Variants in WNT7A observed in about 807,000 individuals in gnomAD.
The protein encoded by WNT7A is protein Wnt-7a.
In WNT7A, 16 loss-of-function variants were observed where a neutral mutation model predicts 28.2. The ratio of observed to expected loss-of-function variants is 0.57; its 90% CI spans 0.38 to 0.86. The LOEUF (loss-of-function observed/expected upper bound fraction) is 0.86, where lower values mean the gene tolerates loss of function less well. Ranked by LOEUF, WNT7A falls within the 40% of genes least tolerant of loss-of-function variation. The pLI is 0.00. For missense variants in WNT7A, 411 were observed against 489.7 expected (o/e 0.84, Z 1.52); for synonymous variants, 190 against 195.9 (o/e 0.97, Z 0.25).
intron 2 of WNT7A, among the ~76,000 whole-genome samples, chr3:13,869,069 A>T (rs1319009606): frequency 1.3e-5 from 2 of 148,858 alleles, no homozygotes; most frequent in African/African-American, 2.5e-5. Flanking sequence ...AGAGAAAGCA[A>T]GTGAGAGAGA....
chr3:13,871,886 C>T (rs1451944713), intron 2 of WNT7A, among the ~76,000 whole-genome samples: 1 of 152,182 alleles, frequency 6.6e-6, no homozygotes, highest in African/African-American at 2.4e-5. Context: ...TCCAGACCCC[C>T]TGCCCTGGCC....
At chr3:13,819,860 T>C (rs1030901530) in intron 3 of WNT7A, among the ~76,000 whole-genome samples, 1 of 152,224 alleles carries the variant, frequency 6.6e-6, no homozygotes, top group African/African-American at 2.4e-5. Flanking sequence ...CATTTAAACT[T>C]TATTCACCTA....
At chr3:13,833,558 C>T (rs13080685) in intron 3 of WNT7A, among the ~76,000 whole-genome samples, 51,594 of 152,134 alleles carry the variant, frequency 0.34, 9,456 homozygotes, top group East Asian at 0.76. Context: ...CAGCACCACA[C>T]AGTGCAGCCT....
intron 2 of WNT7A, among the ~76,000 whole-genome samples, chr3:13,873,009 TTG>T (rs60575099): frequency 0.51 from 77,657 of 151,368 alleles, 20,659 homozygotes; most frequent in East Asian, 0.77. Context: ...CCCAGGAATT[TTG>T]TGTGTGTGTG....
intron 2 of WNT7A, among the ~76,000 whole-genome samples, chr3:13,856,951 A>AAGG (rs1491252923): frequency 6.9e-5 from 7 of 101,556 alleles, no homozygotes; most frequent in East Asian, 5.6e-4. Flanking sequence ...GAAGAAGAAG[A>AAGG]AGAAGAAGAA....
intron 2 of WNT7A, among the ~76,000 whole-genome samples, chr3:13,868,588 G>GGAAGAAAGAA (rs1559306936): frequency 7.1e-5 from 1 of 14,028 alleles, no homozygotes. Flanking sequence ...GAGAGAGAGA[G>GGAAGAAAGAA]AGGGAGAAAG....
intron 3 of WNT7A, among the ~76,000 whole-genome samples, chr3:13,843,759 T>C (rs552245456): frequency 0.015 from 2,134 of 144,344 alleles, 47 homozygotes; most frequent in African/African-American, 0.05. Flanking sequence ...TTTTTTTTTT[T>C]CCCCTGAGAT....
chr3:13,855,992 C>A (rs764988123), intron 2 of WNT7A, among the ~76,000 whole-genome samples: 3 of 152,158 alleles, frequency 2.0e-5, no homozygotes, highest in Non-Finnish European at 2.9e-5. Context: ...CTTCCCCACC[C>A]ACCTTCTCAT....
intron 2 of WNT7A, among the ~76,000 whole-genome samples, chr3:13,864,344 C>T (rs908294768): frequency 5.3e-5 from 8 of 152,284 alleles, no homozygotes; most frequent in East Asian, 3.9e-4. Flanking sequence ...GCCTCTTCTA[C>T]CCTCCCTACG....
At position 13,846,908 on chromosome 3, in the gene WNT7A, G is replaced by T. The variant is rs60686566; in HGVS notation, c.570+7624C>A. Among the ~76,000 whole-genome samples the T allele has an allele frequency of 0.02, 3,088 of 152,218 alleles. 225 individuals are homozygous for T. The South Asian group carries it at 0.23, about 12-fold the overall frequency. ...CGTCCATCCAGGTTGGGGGTGGGGT[G>T]GTCTTACCAGCCCAGAGCAAAGTGG... On this transcript the variant is annotated intron_variant, in intron 3 of 3. Transcript: ENST00000285018.
intron 3 of WNT7A, among the ~76,000 whole-genome samples, chr3:13,844,277 T>C (rs1694504737): frequency 6.6e-6 from 1 of 152,150 alleles, no homozygotes; most frequent in African/African-American, 2.4e-5. Flanking sequence ...CAAGCAGGAA[T>C]GACAATAGGC....
At chr3:13,826,582 G>A (rs1279321667) in intron 3 of WNT7A, among the ~76,000 whole-genome samples, 1 of 152,074 alleles carries the variant, frequency 6.6e-6, no homozygotes, top group Non-Finnish European at 1.5e-5. Flanking sequence ...CCAGAAAGAG[G>A]GGAATCTGGG....
intron 2 of WNT7A, among the ~76,000 whole-genome samples, chr3:13,856,541 G>A (rs1241223595): frequency 6.6e-6 from 1 of 152,202 alleles, no homozygotes; most frequent in Admixed American, 6.5e-5. Context: ...GAGGGGGCCA[G>A]GCATGGTGGC....
At chr3:13,871,084 G>A (rs1695020200) in intron 2 of WNT7A, among the ~76,000 whole-genome samples, 1 of 152,198 alleles carries the variant, frequency 6.6e-6, no homozygotes, top group African/African-American at 2.4e-5. Context: ...ACAAGATTAC[G>A]CTTCCCAGCT....
intron 3 of WNT7A, among the ~76,000 whole-genome samples, chr3:13,824,499 A>G (rs1694163029): frequency 6.6e-6 from 1 of 152,212 alleles, no homozygotes; most frequent in Admixed American, 6.5e-5. Flanking sequence ...CCACGCATCC[A>G]TCGGTCATTG....
At chr3:13,822,865 T>C (rs1694134926) in intron 3 of WNT7A, among the ~76,000 whole-genome samples, 1 of 152,190 alleles carries the variant, frequency 6.6e-6, no homozygotes, top group South Asian at 2.1e-4. Flanking sequence ...GCAATGGCCC[T>C]AGTGCAGAAA....
intron 2 of WNT7A, among the ~76,000 whole-genome samples, chr3:13,871,166 G>T (rs996549355): frequency 6.6e-6 from 1 of 152,186 alleles, no homozygotes; most frequent in African/African-American, 2.4e-5. Flanking sequence ...ATGGGGTGGA[G>T]CTTTGGAAAG....
chr3:13,876,857 C>T (rs1400670611), intron 1 of WNT7A: 1 of 152,212 alleles, frequency 6.6e-6, no homozygotes, highest in African/African-American at 2.4e-5. Flanking sequence ...TCCCTCCCCT[C>T]CCTACCCCTA....
chr3:13,871,930 TC>T, intron 2 of WNT7A, among the ~76,000 whole-genome samples: 1 of 152,152 alleles, frequency 6.6e-6, no homozygotes, highest in Admixed American at 6.5e-5. Flanking sequence ...TCCTGGCACT[TC>T]CCCTTCAGCC....
Sources: gnomAD v4.1 joint callset for allele counts (sites outside exome capture counted in the v4.1 genomes callset) on GRCh38, gnomAD v4.1.1 for gene constraint, MANE v1.5 for transcripts, NCBI Gene and HGNC (gene_info 2026-07-23, HGNC 2026-07-21) for gene names.